BAG1: variants seen among roughly 807,000 people sequenced by gnomAD.
BAG1 encodes the protein BAG cochaperone 1.
A neutral mutation model predicts 35.5 loss-of-function variants in BAG1; 35 were observed. The observed-to-expected ratio is 0.99, with a 90% CI of 0.75 to 1.31. The LOEUF is 1.31. Ranked by LOEUF, BAG1 falls within the 50% of genes most tolerant of loss-of-function variation. The pLI is 0.00. For missense variants in BAG1, 464 were observed against 453.6 expected (o/e 1.02, Z -0.21); for synonymous variants, 191 against 178.9 (o/e 1.07, Z -0.54).
In BAG1 at chr9:33,255,000, G is replaced by T. The variant is rs1820420724; in HGVS notation, c.*219C>A. On this transcript the variant is annotated 3_prime_UTR_variant, in exon 7 of 7. Coordinates refer to ENST00000634734, the MANE Select transcript of BAG1 (RefSeq NM_004323.6). ...CCTCTCCAGAAAAGGTGGATTGCTG[G>T]ACAGTACAACCACAGAGACAGAAGG... 6.7e-7 allele frequency: 1 copy of T among 1,501,820 alleles called. No individual in the cohort carries two copies. Among genetic ancestry groups the T allele is most frequent in the African/African-American group, 1.4e-5 (1 of 71,836 alleles). The allele number at this position is 1,501,820 out of a possible 1,614,324, so 93.0% of individuals were successfully genotyped here.
chr9:33,262,939 C>A, intron 1 of BAG1, 109 bp from the exon 2 acceptor site: 1 of 1,451,342 alleles, frequency 6.9e-7, no homozygotes, highest in Non-Finnish European at 9.3e-7. Context: ...AGCTCATATG[C>A]CACCTACTCC....
rs185731392 is a variant in BAG1, at chr9:33,262,248, T to C, written c.580+454A>G. On this transcript the variant is annotated intron_variant, in intron 2 of 6. Transcript: ENST00000634734. ...CCTCAATAAATATCTGTTGAAGAAC[T>C]GAATGAATAAACAAATAAATAAAAA... The C allele has an allele frequency of 2.4e-4, 303 of 1,268,450 alleles. No homozygotes were observed. In the African/African-American group the frequency reaches 4.3e-3, roughly 18 times the overall value. The allele number at this position is 1,268,450 out of a possible 1,614,324, so 78.6% of individuals were successfully genotyped here.
rs1019120232 is a variant in BAG1 at position 33,254,193 on chromosome 9, C to G, written c.*1026G>C. ...GCAGAATGGGGTTTTGCTATGTTGC[C>G]TGGGCTGGTCTCAAACTCCTGGCCT... On this transcript the variant is annotated 3_prime_UTR_variant, in exon 7 of 7. Transcript: ENST00000634734. 5 of 144,036 alleles carry G rather than the reference C, an allele frequency of 3.5e-5. No homozygotes were observed. The highest frequency in any genetic ancestry group is 1.3e-4 in the African/African-American group (5 of 37,492). The allele number at this position is 144,036 out of a possible 1,614,324, so 8.9% of individuals were successfully genotyped here.
intron 1 of BAG1, among the ~76,000 whole-genome samples, chr9:33,263,551 G>A (rs1318307611): frequency 6.6e-6 from 1 of 150,914 alleles, no homozygotes; most frequent in Non-Finnish European, 1.5e-5. Flanking sequence ...AGGAGCCAGG[G>A]TTACCAAATC....
chr9:33,256,630 A>T (rs1820458654), intron 5 of BAG1, among the ~76,000 whole-genome samples, 171 bp downstream of exon 5: 1 of 152,260 alleles, frequency 6.6e-6, no homozygotes. Context: ...CTGTCTTATC[A>T]TCATGCATTC....
rs1009569924 is a variant in BAG1, at chr9:33,256,883, G to A, written c.803C>T (p.Ala268Val). The A allele has an allele frequency of 1.9e-6, 3 of 1,614,052 alleles. No individual in the cohort carries two copies. Among genetic ancestry groups the A allele is most frequent in the Non-Finnish European group, 2.5e-6 (3 of 1,180,024 alleles). Residue 268 changes from alanine to valine, a missense_variant, in exon 5 of 7, where the codon GCT (alanine) becomes GTT (valine). Ala to Val is a moderately conservative substitution (Grantham distance 64, BLOSUM62 0). Coordinates refer to ENST00000634734, the MANE Select transcript of BAG1 (RefSeq NM_004323.6). The stretch of plus-strand genomic sequence containing the variant: ...CCTATCAAGTTTGCAGAGAGCTTCA[G>A]CTTGCAAATCCTTGGGCAGAAAACC...
At position 33,255,931 on chromosome 9, in the gene BAG1, T is replaced by G; in HGVS notation, c.886-4A>C. 1.2e-6 allele frequency: 2 copies of G among 1,610,774 alleles called. No individual in the cohort carries two copies. Among genetic ancestry groups the G allele is most frequent in the Non-Finnish European group, 1.7e-6 (2 of 1,176,876 alleles). The stretch of plus-strand genomic sequence containing the variant: ...CTTTGAAATTTTCTGGCAGGATCTA[T>G]GGAAGAGTAAGTTGATAATACAAGT... On this transcript the variant is annotated splice_polypyrimidine_tract_variant and splice_region_variant and intron_variant, in intron 5 of 6. Transcript: ENST00000634734.
rs756202350 is a variant in BAG1 at position 33,264,453 on chromosome 9, C to G, written c.222G>C (p.Lys74Asn). The G allele has an allele frequency of 5.0e-6, 8 of 1,613,884 alleles. No individual in the cohort carries two copies. Among genetic ancestry groups the G allele is most frequent in the Non-Finnish European group, 6.8e-6 (8 of 1,179,904 alleles). ...TCCGGGTCGAGCGGCGCCGGGTTTT[C>G]TTCTTCATCCGCGGCCTGCGAGCGC... The change falls in exon 1 of 7, where the codon AAG (lysine) becomes AAC (asparagine). Residue 74 changes from lysine to asparagine, a missense_variant. Transcript: ENST00000634734.
intron 2 of BAG1, among the ~76,000 whole-genome samples, chr9:33,261,509 A>G (rs2117966029): frequency 6.6e-6 from 1 of 152,310 alleles, no homozygotes; most frequent in Admixed American, 6.5e-5. Context: ...GTAGCCATTA[A>G]AGCTCATTTT....
At chr9:33,257,864 G>T (rs1820486987) in intron 4 of BAG1, 1 of 152,164 alleles carries the variant, frequency 6.6e-6, no homozygotes, top group Admixed American at 6.5e-5. Flanking sequence ...TTTTTAAGAT[G>T]AAAAATATAT....
chr9:33,255,296 C>G lies in BAG1; in HGVS notation c.961G>C (p.Glu321Gln). The G allele has an allele frequency of 6.2e-7, 1 of 1,614,232 alleles. No homozygotes were observed. Among genetic ancestry groups the G allele is most frequent in the Non-Finnish European group, 8.5e-7 (1 of 1,180,040 alleles). ...ATGTTCTGCTCCACTGTGTCACACT[C>G]GGCTAGGAATGCCTAGAAAATACAC... Residue 321 changes from glutamate (E) to glutamine (Q), a missense_variant, in exon 7 of 7, where the codon GAG becomes CAG. Glu to Gln is a conservative substitution (Grantham distance 29, BLOSUM62 2). Transcript: ENST00000634734.
intron 1 of BAG1, 151 bp from the exon 2 acceptor site, chr9:33,262,981 C>T: frequency 1.1e-6 from 1 of 940,984 alleles, no homozygotes. Context: ...CCCAGCTTTC[C>T]TCTGGTGACC....
chr9:33,261,688 G>A (rs1191136701), intron 2 of BAG1, among the ~76,000 whole-genome samples: 1 of 152,116 alleles, frequency 6.6e-6, no homozygotes, highest in African/African-American at 2.4e-5. Context: ...AAGACAATAT[G>A]TTACACTATG....
In BAG1 at chr9:33,256,908, C is replaced by T. The variant is rs1288294790; in HGVS notation, c.778G>A (p.Gly260Ser). The change falls in exon 5 of 7, where the codon GGT (glycine) becomes AGT (serine). Residue 260 changes from glycine (G) to serine (S), a missense_variant and splice_region_variant. Physicochemically the swap from Gly to Ser is moderately conservative, Grantham distance 56. Transcript: ENST00000634734. ...GCTTGCAAATCCTTGGGCAGAAAAC[C>T]CTGCGGGGAAATAATGCATTATTGC... 1 of 1,613,276 alleles carries T rather than the reference C, an allele frequency of 6.2e-7. No homozygotes were observed. Among genetic ancestry groups the T allele is most frequent in the Non-Finnish European group, 8.5e-7 (1 of 1,179,430 alleles).
Position 33,255,940 on chromosome 9 carries a change from A to G in BAG1, c.886-13T>C. The G allele has an allele frequency of 6.2e-7, 1 of 1,601,754 alleles. No homozygotes were observed. Among genetic ancestry groups the G allele is most frequent in the Non-Finnish European group, 8.6e-7 (1 of 1,168,744 alleles). On this transcript the variant is annotated splice_polypyrimidine_tract_variant and intron_variant, in intron 5 of 6. Coordinates refer to ENST00000634734, the MANE Select transcript of BAG1 (RefSeq NM_004323.6). Reference sequence around the variant, plus strand: ...TTTCTGGCAGGATCTATGGAAGAGTAAGTTGATAATACAAGTTAGTAAATA... The same window carrying G: ...TTTCTGGCAGGATCTATGGAAGAGTGAGTTGATAATACAAGTTAGTAAATA...
intron 3 of BAG1, among the ~76,000 whole-genome samples, chr9:33,260,826 C>T (rs1159428935): frequency 2.0e-5 from 3 of 152,186 alleles, no homozygotes; most frequent in Non-Finnish European, 4.4e-5. Flanking sequence ...ACCAAGATTC[C>T]ACCACCAAAA....
At chr9:33,262,597 C>T (rs1316757859) in intron 2 of BAG1, 105 bp downstream of exon 2, 6 of 1,189,324 alleles carry the variant, frequency 5.0e-6, no homozygotes, top group Non-Finnish European at 6.8e-6. Flanking sequence ...GCGGAGGTTG[C>T]AGTGAGCCTA....
intron 1 of BAG1, 78 bp downstream of exon 1, chr9:33,264,146 G>C (rs975539265): frequency 2.2e-5 from 33 of 1,478,964 alleles, no homozygotes; most frequent in Non-Finnish European, 2.9e-5. Context: ...CACGCTTCTG[G>C]AGGACACGTG....
In BAG1 at chr9:33,255,215, C is replaced by T. The variant is rs1198582333; in HGVS notation, c.*4G>A. The T allele has an allele frequency of 1.2e-6, 2 of 1,614,254 alleles. No individual in the cohort carries two copies. The highest frequency in any genetic ancestry group is 1.7e-5 in the Admixed American group (1 of 60,032). On this transcript the variant is annotated 3_prime_UTR_variant, in exon 7 of 7. Transcript: ENST00000634734. The stretch of plus-strand genomic sequence containing the variant: ...AGGGCAGCACAGCCTTTTTCTGCTA[C>T]ACCTCACTCGGCCAGGGCAAAGTTT...
Sources: allele counts gnomAD v4.1 joint callset (sites outside exome capture counted in the v4.1 genomes callset), GRCh38; gene constraint gnomAD v4.1.1; transcripts MANE v1.5; gene names NCBI Gene and HGNC (gene_info 2026-07-23, HGNC 2026-07-21).